TMEM132E: variants seen among roughly 807,000 people sequenced by gnomAD.
TMEM132E encodes transmembrane protein 132E.
Under a neutral mutation model 78.5 loss-of-function variants are expected in TMEM132E, and 49 were observed. That is an observed-to-expected ratio of 0.62 (90% CI 0.50 to 0.79). The LOEUF (loss-of-function observed/expected upper bound fraction) is 0.79, where lower values mean the gene tolerates loss of function less well. TMEM132E is among the 30% of genes least tolerant of loss of function. The probability of loss-of-function intolerance (pLI) is 0.00; values close to 1 mark genes in which losing one functional copy is unlikely to be tolerated. For synonymous variants in TMEM132E, 715 were observed against 670.6 expected (o/e 1.07, Z -1.02); for missense variants, 1,403 against 1,470.9 (o/e 0.95, Z 0.75).
rs148901847 is a variant in TMEM132E at position 34,632,905 on chromosome 17, C to T, written c.1684C>T (p.Arg562Trp). 6.1e-4 allele frequency: 992 copies of T among 1,614,076 alleles called. 1 individual carries two copies. The highest frequency in any genetic ancestry group is 7.8e-4 in the Non-Finnish European group (924 of 1,180,024). ...CTGGAGGGTACCTATCCTCCCCGAC[C>T]GGAGGTACAGCCCCTCTCCCATGGC... ...KGWRVPILPD[R>W]RSVRESEDED... Residue 562 changes from arginine (R) to tryptophan (W), a missense_variant, in exon 6 of 9, where the codon CGG becomes TGG. Coordinates refer to ENST00000631683, the MANE Select transcript of TMEM132E (RefSeq NM_001304438.2).
rs1029694817 is a variant in TMEM132E, at chr17:34,629,186, C to T, written c.1320C>T (p.Ala440=). ...ELTVIQRDVQ[A]ILPLAMDTEI... ...CGGTCATTCAGCGGGATGTGCAAGC[C>T]ATCCTGCCCCTGGCCATGGTGAGCA... The change falls in exon 4 of 9, where the codon GCC becomes GCT. Residue 440 remains alanine (A), a synonymous_variant. Transcript: ENST00000631683. 2 of 1,614,058 alleles carry T rather than the reference C, an allele frequency of 1.2e-6. No individual in the cohort carries two copies. The highest frequency in any genetic ancestry group is 1.1e-5 in the South Asian group (1 of 91,072).
chr17:34,617,997 A>G lies in TMEM132E; in HGVS notation c.68-8130A>G, dbSNP rs575674067. On this transcript the variant is annotated intron_variant, in intron 1 of 8. Coordinates refer to ENST00000631683, the MANE Select transcript of TMEM132E (RefSeq NM_001304438.2). ...CCCAGTGTTTACATCTTTGTACATA[A>G]AATTGGTATTATGCCATATAGCCAG... 7.2e-5 allele frequency among the ~76,000 whole-genome samples: 11 copies of G among 152,312 alleles called. No homozygotes were observed. In the East Asian group the frequency reaches 2.1e-3, roughly 29 times the overall value.
chr17:34,584,685 G>A (rs188763573), intron 1 of TMEM132E, among the ~76,000 whole-genome samples: 1 of 152,320 alleles, frequency 6.6e-6, no homozygotes, highest in East Asian at 1.9e-4. Context: ...AGTTGAAAAG[G>A]GAGCTCTGGG....
In TMEM132E at chr17:34,581,250, G is replaced by A. The variant is rs995661116; in HGVS notation, c.67+107G>A. The stretch of plus-strand genomic sequence containing the variant: ...ACCCACACCCCCTGGACTCGCAGCC[G>A]CCACTCCGGGTTTGGCGTCTCTGGC... On this transcript the variant is annotated intron_variant, in intron 1 of 8. Coordinates refer to ENST00000631683, the MANE Select transcript of TMEM132E (RefSeq NM_001304438.2). The A allele has an allele frequency of 1.5e-5, 16 of 1,055,082 alleles. No individual in the cohort carries two copies. In the East Asian group the frequency reaches 2.6e-4, roughly 17 times the overall value. The allele number at this position is 1,055,082 out of a possible 1,614,324, so 65.4% of individuals were successfully genotyped here. A position where few individuals can be genotyped will look rare whatever the true frequency, so the allele number is the denominator to read the frequency against.
At chr17:34,624,471 C>T (rs557612300) in intron 1 of TMEM132E, among the ~76,000 whole-genome samples, 201 of 152,236 alleles carry the variant, frequency 1.3e-3, no homozygotes, top group Non-Finnish European at 2.4e-3. Context: ...CTGAGGAAAC[C>T]CCCAGGAGTT....
intron 2 of TMEM132E, among the ~76,000 whole-genome samples, 157 bp downstream of exon 2, chr17:34,627,214 G>C (rs1395820768): frequency 6.6e-6 from 1 of 152,184 alleles, no homozygotes; most frequent in Non-Finnish European, 1.5e-5. Flanking sequence ...AGCAACCTCA[G>C]GAAGATACCT....
intron 1 of TMEM132E, among the ~76,000 whole-genome samples, chr17:34,591,908 G>A (rs1905880849): frequency 6.6e-6 from 1 of 152,194 alleles, no homozygotes; most frequent in African/African-American, 2.4e-5. Context: ...TCCTCTCTCA[G>A]GCTGGGCTGC....
chr17:34,622,343 A>C (rs769451234), intron 1 of TMEM132E, among the ~76,000 whole-genome samples: 16 of 152,182 alleles, frequency 1.1e-4, no homozygotes, highest in Non-Finnish European at 1.5e-4. Flanking sequence ...TCAGGGACCC[A>C]CCCTGCTCCA....
At chr17:34,592,082 G>A (rs962006865) in intron 1 of TMEM132E, among the ~76,000 whole-genome samples, 2 of 152,252 alleles carry the variant, frequency 1.3e-5, no homozygotes, top group African/African-American at 4.8e-5. Flanking sequence ...TTCCCGGAGA[G>A]CTGTTTTCTG....
intron 1 of TMEM132E, among the ~76,000 whole-genome samples, chr17:34,613,211 A>ACGCGCGCG (rs1555563343): frequency 0.022 from 2,579 of 115,738 alleles, 80 homozygotes; most frequent in East Asian, 0.054. Flanking sequence ...ACACACACAC[A>ACGCGCGCG]CGCGCGCGCG....
rs953055661 is a variant in TMEM132E, at chr17:34,580,801, C to A, written c.-276C>A. ...TCCGGACTGCACGTGCAGCTCCCCC[C>A]GCGCCTCGCAGATCCTGCAGGGGGC... On this transcript the variant is annotated 5_prime_UTR_variant, in exon 1 of 9. Transcript: ENST00000631683. 3.3e-5 allele frequency: 13 copies of A among 390,092 alleles called. No homozygotes were observed. The highest frequency in any genetic ancestry group is 8.3e-5 in the East Asian group (2 of 24,202). The allele number at this position is 390,092 out of a possible 1,614,324, so 24.2% of individuals were successfully genotyped here.
chr17:34,607,897 C>G (rs1906467021), intron 1 of TMEM132E, among the ~76,000 whole-genome samples: 1 of 152,158 alleles, frequency 6.6e-6, no homozygotes, highest in Non-Finnish European at 1.5e-5. Context: ...TTTCCCAGCA[C>G]ACGGATATAT....
chr17:34,630,297 C>T (rs1907311708), intron 5 of TMEM132E, 146 bp downstream of exon 5: 2 of 796,180 alleles, frequency 2.5e-6, no homozygotes, highest in African/African-American at 1.7e-5. Flanking sequence ...CCTTCTGTTG[C>T]AGCAGCTGCC....
intron 1 of TMEM132E, among the ~76,000 whole-genome samples, chr17:34,613,175 A>C (rs1447129082): frequency 1.7e-4 from 10 of 58,890 alleles, no homozygotes; most frequent in African/African-American, 3.9e-4. Flanking sequence ...CTCTCTCTCT[A>C]CACACACACA....
At chr17:34,590,815 A>C (rs927230769) in intron 1 of TMEM132E, among the ~76,000 whole-genome samples, 1 of 152,206 alleles carries the variant, frequency 6.6e-6, no homozygotes, top group Admixed American at 6.5e-5. Flanking sequence ...AGGGAGTGAC[A>C]TCATCAAAGC....
intron 2 of TMEM132E, among the ~76,000 whole-genome samples, chr17:34,627,705 C>T (rs1325109812): frequency 6.6e-6 from 1 of 152,068 alleles, no homozygotes; most frequent in Non-Finnish European, 1.5e-5. Context: ...CTGAGGACAC[C>T]CACCAAAATG....
At chr17:34,617,697 G>C (rs564843806) in intron 1 of TMEM132E, among the ~76,000 whole-genome samples, 1 of 152,314 alleles carries the variant, frequency 6.6e-6, no homozygotes, top group African/African-American at 2.4e-5. Context: ...CTATGTCAGA[G>C]CTGAAATTTG....
chr17:34,633,912 C>T (rs1050914668), intron 6 of TMEM132E, among the ~76,000 whole-genome samples: 1 of 152,188 alleles, frequency 6.6e-6, no homozygotes, highest in Non-Finnish European at 1.5e-5. Context: ...GGTTTAAGTC[C>T]TGCCTCTGCT....
intron 2 of TMEM132E, among the ~76,000 whole-genome samples, chr17:34,627,505 T>TGTGTGTGTGTGTGTGTGTGTGTGTGTGTG (rs59547151): frequency 1.1e-4 from 16 of 148,952 alleles, no homozygotes; most frequent in Non-Finnish European, 2.1e-4. Context: ...TGTGTGTGTG[T>TGTGTGTGTGTGTGTGTGTGTGTGTGTGTG]TTTGGGACAT....
Sources: allele counts gnomAD v4.1 joint callset (sites outside exome capture counted in the v4.1 genomes callset), GRCh38; gene constraint gnomAD v4.1.1; transcripts MANE v1.5; gene names NCBI Gene and HGNC (gene_info 2026-07-23, HGNC 2026-07-21).